IL1RAPL1: variants seen among roughly 807,000 people sequenced by gnomAD.
IL1RAPL1 encodes interleukin-1 receptor accessory protein-like 1.
Under a neutral mutation model 48.4 loss-of-function variants are expected in IL1RAPL1, and 3 were observed. The observed-to-expected ratio is 0.06, with a 90% CI of 0.03 to 0.16. The LOEUF is 0.16. IL1RAPL1 is among the 10% of genes least tolerant of loss of function. The probability of loss-of-function intolerance (pLI) is 1.00; values close to 1 mark genes in which losing one functional copy is unlikely to be tolerated. For synonymous variants in IL1RAPL1, 185 were observed against 187.7 expected, an observed-to-expected ratio of 0.99 and a Z score of 0.12; for missense variants, 349 against 530.6, an observed-to-expected ratio of 0.66 and a Z score of 3.36.
chrX:28,638,812 A>G (rs760718496), intron 1 of IL1RAPL1, among the ~76,000 whole-genome samples: 2 of 111,337 alleles, frequency 1.8e-5, no homozygotes, highest in East Asian at 5.6e-4. Flanking sequence ...GCATGTAAAA[A>G]TCTTGTTTAT....
chrX:29,386,568 G>A (rs1444690314), intron 3 of IL1RAPL1, among the ~76,000 whole-genome samples: 3 of 104,794 alleles, frequency 2.9e-5, no homozygotes, highest in African/African-American at 1.1e-4. Flanking sequence ...TTTTGAGACA[G>A]GGTCTCATTC....
intron 2 of IL1RAPL1, among the ~76,000 whole-genome samples, chrX:28,806,231 A>G (rs1260936893): frequency 1.8e-5 from 2 of 112,043 alleles, no homozygotes; most frequent in Admixed American, 1.9e-4. Flanking sequence ...GGGTGACCTG[A>G]CCATTCATGG....
chrX:28,617,792 T>G (rs2146886868), intron 1 of IL1RAPL1, among the ~76,000 whole-genome samples: 1 of 112,630 alleles, frequency 8.9e-6, no homozygotes, highest in Non-Finnish European at 1.9e-5. Flanking sequence ...GTAATTTGAA[T>G]GGGAAAGAGG....
intron 1 of IL1RAPL1, among the ~76,000 whole-genome samples, chrX:28,785,730 C>G (rs1162905870): frequency 1.8e-5 from 2 of 111,951 alleles, no homozygotes; most frequent in Admixed American, 1.9e-4. Flanking sequence ...AAGCTCCTGG[C>G]TAATATTTTA....
At chrX:29,327,697 T>C (rs995634152) in intron 3 of IL1RAPL1, among the ~76,000 whole-genome samples, 11 of 107,673 alleles carry the variant, frequency 1.0e-4, no homozygotes, top group African/African-American at 3.0e-4. Flanking sequence ...TTCAGGTTAT[T>C]TAGCACTAAC....
At chrX:29,311,375 T>C (rs1206061163) in intron 3 of IL1RAPL1, among the ~76,000 whole-genome samples, 1 of 111,664 alleles carries the variant, frequency 9.0e-6, no homozygotes, top group Admixed American at 9.6e-5. Flanking sequence ...TCAGGAAAAA[T>C]GTACTCTACC....
At chrX:29,252,128 G>C (rs1165222590) in intron 2 of IL1RAPL1, among the ~76,000 whole-genome samples, 4 of 110,208 alleles carry the variant, frequency 3.6e-5, no homozygotes, top group East Asian at 2.8e-4. Context: ...GGTAAGGGGA[G>C]GGGGGAGGGA....
At chrX:29,387,837 A>G (rs1188256313) in intron 3 of IL1RAPL1, among the ~76,000 whole-genome samples, 1 of 110,103 alleles carries the variant, frequency 9.1e-6, no homozygotes, top group African/African-American at 3.3e-5. Flanking sequence ...TACTAAATAT[A>G]CAAAAACCAG....
At chrX:29,072,499 T>C (rs2147441551) in intron 2 of IL1RAPL1, among the ~76,000 whole-genome samples, 1 of 111,695 alleles carries the variant, frequency 9.0e-6, no homozygotes, top group Non-Finnish European at 1.9e-5. Context: ...TATTTGAAGA[T>C]TGTTTTGTTT....
At chrX:29,264,055 G>T (rs1350747098) in intron 2 of IL1RAPL1, among the ~76,000 whole-genome samples, 1 of 110,489 alleles carries the variant, frequency 9.1e-6, no homozygotes, top group African/African-American at 3.3e-5. Flanking sequence ...ACTTTAGATG[G>T]ATACACACAT....
chrX:29,635,396 T>G (rs1196536520), intron 5 of IL1RAPL1, among the ~76,000 whole-genome samples: 1 of 111,953 alleles, frequency 8.9e-6, no homozygotes, highest in Admixed American at 9.5e-5. Flanking sequence ...GAGCAACACT[T>G]GAAGCAAAAA....
rs140632137 is a variant in IL1RAPL1, at chrX:29,771,408, C to G, written c.778+102904C>G. Among the ~76,000 whole-genome samples, 955 of 112,002 alleles carry G rather than the reference C, an allele frequency of 8.5e-3. 9 individuals are homozygous for G. Among genetic ancestry groups the G allele is most frequent in the African/African-American group, 0.03 (919 of 30,851 alleles). On this transcript the variant is annotated intron_variant, in intron 6 of 10. Transcript: ENST00000378993. ...CCCTGTCATTGCCAAAATATCTGCACGTGAAATCAGTAGATAGAATTTTTG... is the reference window on the plus strand; with the variant it reads ...CCCTGTCATTGCCAAAATATCTGCAGGTGAAATCAGTAGATAGAATTTTTG...
chrX:29,201,258 T>A (rs1181777356), intron 2 of IL1RAPL1, among the ~76,000 whole-genome samples: 4 of 112,108 alleles, frequency 3.6e-5, no homozygotes, highest in Non-Finnish European at 7.5e-5. Context: ...AATATTTGCA[T>A]AGTTATTTCA....
intron 3 of IL1RAPL1, among the ~76,000 whole-genome samples, chrX:29,310,135 G>GAAAAAAAAAAAAAAA (rs763228577): frequency 4.9e-5 from 2 of 41,153 alleles, no homozygotes; most frequent in Non-Finnish European, 9.8e-5. Flanking sequence ...AAAAAGAAAG[G>GAAAAAAAAAAAAAAA]AAAAAAAAAA....
intron 2 of IL1RAPL1, among the ~76,000 whole-genome samples, chrX:28,989,541 G>A (rs1344792586): frequency 8.9e-6 from 1 of 112,203 alleles, no homozygotes; most frequent in Non-Finnish European, 1.9e-5. Context: ...TTTTAGAAAA[G>A]ACGTACACCT....
At chrX:28,919,016 A>T (rs1923554188) in intron 2 of IL1RAPL1, among the ~76,000 whole-genome samples, 1 of 111,549 alleles carries the variant, frequency 9.0e-6, no homozygotes, top group African/African-American at 3.3e-5. Flanking sequence ...AGTGTCTGTG[A>T]GGCTAAAGGC....
At chrX:29,806,144 A>G (rs1040576159) in intron 6 of IL1RAPL1, among the ~76,000 whole-genome samples, 7 of 111,379 alleles carry the variant, frequency 6.3e-5, no homozygotes, top group African/African-American at 2.3e-4. Context: ...ACAAATATGT[A>G]ATAAGGATAA....
At chrX:29,682,981 G>A (rs1926502995) in intron 6 of IL1RAPL1, among the ~76,000 whole-genome samples, 1 of 112,139 alleles carries the variant, frequency 8.9e-6, no homozygotes, top group Non-Finnish European at 1.9e-5. Flanking sequence ...CAACAGAGCA[G>A]TAGGTTGAGT....
Position 29,281,924 on chromosome X carries a change from T to C in IL1RAPL1, c.83-1014T>C, listed in dbSNP as rs372661643. Among the ~76,000 whole-genome samples, 28 of 111,532 alleles carry C rather than the reference T, an allele frequency of 2.5e-4. No individual in the cohort carries two copies. In the South Asian group the frequency reaches 0.011, roughly 42 times the overall value. On this transcript the variant is annotated intron_variant, in intron 2 of 10. Coordinates refer to ENST00000378993, the MANE Select transcript of IL1RAPL1 (RefSeq NM_014271.4). ...AAGATCAAGGTACCAGCCAATTTGG[T>C]TTCTGGCTTTTGGATGGCTACCTTC...
Sources: allele counts gnomAD v4.1 joint callset (sites outside exome capture counted in the v4.1 genomes callset), GRCh38; gene constraint gnomAD v4.1.1; transcripts MANE v1.5; gene names NCBI Gene and HGNC (gene_info 2026-07-23, HGNC 2026-07-21).